Variants in TNRC18 observed in about 807,000 individuals in gnomAD.
The protein encoded by TNRC18 is trinucleotide repeat-containing gene 18 protein.
In TNRC18, 69 loss-of-function variants were observed where a neutral mutation model predicts 226.7. That is an observed-to-expected ratio of 0.30 (90% CI 0.25 to 0.37). TNRC18 has a LOEUF of 0.37. TNRC18 is among the 10% of genes least tolerant of loss of function. The probability of loss-of-function intolerance (pLI) is 1.00; values close to 1 mark genes in which losing one functional copy is unlikely to be tolerated. For synonymous variants in TNRC18, 2,449 were observed against 1,927.6 expected (o/e 1.27, Z -7.09); for missense variants, 4,754 against 4,256.6 (o/e 1.12, Z -3.25).
intron 17 of TNRC18, among the ~76,000 whole-genome samples, chr7:5,351,140 C>G (rs1356781556): frequency 6.6e-6 from 1 of 151,950 alleles, no homozygotes; most frequent in Non-Finnish European, 1.5e-5. Context: ...ATTTGAATAA[C>G]ACAGGCAAGC....
chr7:5,342,600 T>C lies in TNRC18; in HGVS notation c.5719+2962A>G, dbSNP rs946629747. 3.9e-5 allele frequency among the ~76,000 whole-genome samples: 6 copies of C among 152,190 alleles called. 1 individual carries two copies. Among genetic ancestry groups the C allele is most frequent in the Admixed American group, 3.9e-4 (6 of 15,262 alleles). On this transcript the variant is annotated intron_variant, in intron 18 of 29. Coordinates refer to ENST00000430969, the MANE Select transcript of TNRC18 (RefSeq NM_001080495.3). ...GAATTGTTGCAATGTCATGAGACAT[T>C]TGAAAAGATGAGGAGCTGCTTTTTA...
intron 2 of TNRC18, among the ~76,000 whole-genome samples, chr7:5,397,291 G>C (rs1208305237): frequency 6.6e-6 from 1 of 152,220 alleles, no homozygotes; most frequent in African/African-American, 2.4e-5. Flanking sequence ...GCCAGGGTTT[G>C]CGCAAGAGCT....
intron 16 of TNRC18, 118 bp downstream of exon 16, chr7:5,356,798 G>C (rs1382552173): frequency 8.8e-6 from 12 of 1,370,652 alleles, no homozygotes; most frequent in East Asian, 2.5e-5. Flanking sequence ...GCGCCCCAGA[G>C]AGAGAGCGAG....
At chr7:5,342,444 G>A (rs1455995515) in intron 18 of TNRC18, among the ~76,000 whole-genome samples, 75 of 149,398 alleles carry the variant, frequency 5.0e-4, no homozygotes, top group African/African-American at 1.3e-3. Flanking sequence ...AAAAAAAAAA[G>A]AAAAAAAGAA....
intron 18 of TNRC18, 39 bp downstream of exon 18, chr7:5,345,523 C>CCCCCCCCCCCCCCCCCCCCCCCCCCCCAA: frequency 5.6e-6 from 1 of 179,160 alleles, no homozygotes; most frequent in Non-Finnish European, 1.2e-5. Context: ...GTCCGCCCCT[C>CCCCCCCCCCCCCCCCCCCCCCCCCCCCAA]CCACCCACCC....
chr7:5,377,312 A>AG lies in TNRC18; in HGVS notation c.2461+58_2461+59insC. On this transcript the variant is annotated intron_variant, in intron 7 of 29. Coordinates refer to ENST00000430969, the MANE Select transcript of TNRC18 (RefSeq NM_001080495.3). The surrounding 1 kb of genome is among the most constrained non-coding windows in gnomAD (Gnocchi z 5.8). ...AGCCAGCCCTGAGCTCTTGTCCTGC[A>AG]CCCGCCCCCTCCCACCCCTCCCTCA... 3 of 1,295,716 alleles carry AG rather than the reference A, an allele frequency of 2.3e-6. No individual in the cohort carries two copies. The highest frequency in any genetic ancestry group is 3.2e-6 in the Non-Finnish European group (3 of 951,894). The allele number at this position is 1,295,716 out of a possible 1,614,324, so 80.3% of individuals were successfully genotyped here.
At chr7:5,355,529 C>T (rs548046889) in intron 16 of TNRC18, among the ~76,000 whole-genome samples, 23 of 152,282 alleles carry the variant, frequency 1.5e-4, no homozygotes, top group African/African-American at 5.3e-4. Flanking sequence ...AAGTGGGATG[C>T]TTGCTTAAGG....
chr7:5,390,915 C>A (rs942891760), intron 3 of TNRC18, among the ~76,000 whole-genome samples: 1 of 142,678 alleles, frequency 7.0e-6, no homozygotes, highest in Non-Finnish European at 1.5e-5. Context: ...CAAACATGAC[C>A]AAGAGCTTTG....
At chr7:5,412,551 G>A (rs1781912429) in intron 2 of TNRC18, among the ~76,000 whole-genome samples, 1 of 151,968 alleles carries the variant, frequency 6.6e-6, no homozygotes, top group Non-Finnish European at 1.5e-5. Context: ...ACCCCAGCCT[G>A]GGAGACAGAG....
chr7:5,333,071 G>T, intron 18 of TNRC18, 22 bp from the exon 19 acceptor site: 1 of 1,555,054 alleles, frequency 6.4e-7, no homozygotes, highest in Non-Finnish European at 8.6e-7. Context: ...AGGAGGGCGT[G>T]CTGGTCACAG....
At chr7:5,323,843 C>T (rs1019683797) in intron 21 of TNRC18, among the ~76,000 whole-genome samples, 1 of 152,150 alleles carries the variant, frequency 6.6e-6, no homozygotes, top group Admixed American at 6.5e-5. Context: ...GCTGGGATTA[C>T]AGGCATGGGC....
chr7:5,325,580 C>G, intron 19 of TNRC18: 1 of 294,368 alleles, frequency 3.4e-6, no homozygotes, highest in Non-Finnish European at 6.4e-6. Flanking sequence ...CCCGCCACCA[C>G]ACCTGGCTAA....
intron 11 of TNRC18, among the ~76,000 whole-genome samples, chr7:5,367,456 C>T (rs1402582073): frequency 2.0e-5 from 3 of 150,354 alleles, no homozygotes; most frequent in Non-Finnish European, 4.4e-5. Context: ...AGATGGAGTT[C>T]CACTCTTGTT....
At chr7:5,335,117 C>T (rs1468234609) in intron 18 of TNRC18, among the ~76,000 whole-genome samples, 1 of 151,184 alleles carries the variant, frequency 6.6e-6, no homozygotes, top group East Asian at 2.0e-4. Context: ...TCCTGGCTAA[C>T]ATGGTGAGAA....
Position 5,307,025 on chromosome 7 carries a change from T to C in TNRC18, c.*1081A>G, listed in dbSNP as rs1359714104. 1 of 150,578 alleles carries C rather than the reference T, an allele frequency of 6.6e-6. No individual in the cohort carries two copies. Among genetic ancestry groups the C allele is most frequent in the Non-Finnish European group, 1.5e-5 (1 of 67,712 alleles). The allele number at this position is 150,578 out of a possible 1,614,324, so 9.3% of individuals were successfully genotyped here. On this transcript the variant is annotated 3_prime_UTR_variant, in exon 30 of 30. Coordinates refer to ENST00000430969, the MANE Select transcript of TNRC18 (RefSeq NM_001080495.3). ...TGGGGCCCAAGCAGGGACCCTGGGC[T>C]TGGGCCGGCTCCTGCCTCTCCCTCT...
At chr7:5,349,490 G>A (rs1364681864) in intron 17 of TNRC18, among the ~76,000 whole-genome samples, 1 of 152,248 alleles carries the variant, frequency 6.6e-6, no homozygotes, top group Non-Finnish European at 1.5e-5. Context: ...GGTTGGCGGT[G>A]ACAGGTTGGT....
At chr7:5,356,822 G>C in intron 16 of TNRC18, 94 bp downstream of exon 16, 1 of 1,353,568 alleles carries the variant, frequency 7.4e-7, no homozygotes, top group Non-Finnish European at 9.5e-7. Context: ...GAGAGAGAGA[G>C]TGAGGGGCGG....
chr7:5,351,307 G>A (rs1359278477), intron 17 of TNRC18, among the ~76,000 whole-genome samples: 6 of 152,070 alleles, frequency 3.9e-5, no homozygotes, highest in East Asian at 1.9e-4. Flanking sequence ...AAATGAACTC[G>A]ATATGTTTAA....
rs201447699 is a variant in TNRC18, at chr7:5,324,242, G to C, written c.6414C>G (p.Gly2138=). The C allele has an allele frequency of 1.2e-6, 2 of 1,610,454 alleles. No individual in the cohort carries two copies. Among genetic ancestry groups the C allele is most frequent in the African/African-American group, 2.7e-5 (2 of 74,868 alleles). ...GGGTCAGCGGCCGCTCCACAGCCCC[G>C]CCACGCGGCAGGTGCTCGTCCTCAG... The part of the protein sequence containing the change: ...SFSEDEHLPR[G]GAVERPLTPA... The change falls in exon 21 of 30, where the codon GGC becomes GGG. Residue 2138 remains glycine (G), a synonymous_variant. Transcript: ENST00000430969. This position sits in a 1 kb window ranked among gnomAD's most constrained non-coding sequence, Gnocchi z 4.8.
Sources: gnomAD v4.1 joint callset for allele counts (sites outside exome capture counted in the v4.1 genomes callset) on GRCh38, gnomAD v4.1.1 for gene constraint, Gnocchi (gnomAD v3.1) non-coding constraint, MANE v1.5 for transcripts, NCBI Gene and HGNC (gene_info 2026-07-23, HGNC 2026-07-21) for gene names.